ERC2: variants seen among roughly 807,000 people sequenced by gnomAD.
The protein encoded by ERC2 is ELKS/RAB6-interacting/CAST family member 2, also known as ERC protein 2.
In ERC2, 42 loss-of-function variants were observed where a neutral mutation model predicts 114.8. The ratio of observed to expected loss-of-function variants is 0.37; its 90% confidence interval spans 0.29 to 0.47. ERC2 has a LOEUF of 0.47. ERC2 is among the 20% of genes least tolerant of loss of function. ERC2 has a pLI of 0.99. For missense variants in ERC2, 939 were observed against 1,150.7 expected, an observed-to-expected ratio of 0.82 and a Z score of 2.66; for synonymous variants, 454 against 425.5, an observed-to-expected ratio of 1.07 and a Z score of -0.82.
intron 17 of ERC2, among the ~76,000 whole-genome samples, chr3:55,525,506 A>T (rs1219789333): frequency 6.6e-6 from 1 of 152,152 alleles, no homozygotes; most frequent in Non-Finnish European, 1.5e-5. Flanking sequence ...TTCCAGGTTG[A>T]GATGTGAGGG....
intron 3 of ERC2, among the ~76,000 whole-genome samples, chr3:56,290,363 T>C (rs2055002938): frequency 6.6e-6 from 1 of 152,224 alleles, no homozygotes; most frequent in Non-Finnish European, 1.5e-5. Context: ...GGAATACTGA[T>C]GGAATGTACT....
intron 8 of ERC2, among the ~76,000 whole-genome samples, chr3:56,017,606 C>T (rs2073394404): frequency 6.6e-6 from 1 of 152,100 alleles, no homozygotes; most frequent in Non-Finnish European, 1.5e-5. Context: ...CCTGGCTCAC[C>T]ACTCACTTTC....
chr3:56,443,272 A>C lies in ERC2; in HGVS notation c.-140-8125T>G, dbSNP rs116821466. 8.5e-3 allele frequency among the ~76,000 whole-genome samples: 1,291 copies of C among 152,340 alleles called. 20 individuals carry two copies. Among genetic ancestry groups the C allele is most frequent in the African/African-American group, 0.029 (1,207 of 41,578 alleles). ...TCAATTCCACTGAACTTATCAAATC[A>C]AACAGGAAATTCACAGACCATCAAA... is the stretch of plus-strand genomic sequence containing the variant. On this transcript the variant is annotated intron_variant, in intron 1 of 17. Transcript: ENST00000288221.
Position 56,464,916 on chromosome 3 carries a change from T to C in ERC2, c.-141+3332A>G, listed in dbSNP as rs570557734. 2.0e-5 allele frequency among the ~76,000 whole-genome samples: 3 copies of C among 151,108 alleles called. No homozygotes were observed. In the East Asian group the frequency reaches 5.8e-4, roughly 29 times the overall value. On this transcript the variant is annotated intron_variant, in intron 1 of 17. Transcript: ENST00000288221. ...AAAAAAAGGCTAGAGGGTGTCCTAGTAAAACAAGCAAATGCAGATTGTACA... is the reference window on the plus strand; with the variant it reads ...AAAAAAAGGCTAGAGGGTGTCCTAGCAAAACAAGCAAATGCAGATTGTACA...
At position 55,583,548 on chromosome 3, in the gene ERC2, C is replaced by CCTTT. The variant is rs1249374471; in HGVS notation, c.*40-72273_*40-72272insAAAG. ...CCCTTCCTTCCTTCCTTCCTTTCTTCCTTCCTTCCTTCCTTCCTTCCTTCC... is the reference window on the plus strand; with the variant it reads ...CCCTTCCTTCCTTCCTTCCTTTCTTCCTTTCTTCCTTCCTTCCTTCCTTCCTTCC... On this transcript the variant is annotated intron_variant, in intron 17 of 17. Coordinates refer to ENST00000288221, the MANE Select transcript of ERC2 (RefSeq NM_015576.3). Among the ~76,000 whole-genome samples the CCTTT allele has an allele frequency of 2.0e-3, 77 of 39,316 alleles. 1 individual carries two copies. The highest frequency in any genetic ancestry group is 0.015 in the Middle Eastern group (1 of 68). The allele number at this position is 39,316 out of a possible 152,430, so 25.8% of individuals were successfully genotyped here.
intron 12 of ERC2, among the ~76,000 whole-genome samples, chr3:55,967,626 A>G (rs2068837510): frequency 6.6e-6 from 1 of 152,228 alleles, no homozygotes; most frequent in Non-Finnish European, 1.5e-5. Flanking sequence ...ACCCATGAAG[A>G]AAGCAACATT....
rs2080627419 is a variant in ERC2, at chr3:56,138,088, C to T, written c.1473+1421G>A. On this transcript the variant is annotated intron_variant, in intron 6 of 17. Transcript: ENST00000288221. ...TTTTTTTTTTTTTTTGAGACGAAGT[C>T]TCACTCTGTCACCCAGGCTGGAGTG... Among the ~76,000 whole-genome samples, 3 of 108,902 alleles carry T rather than the reference C, an allele frequency of 2.8e-5. No individual in the cohort carries two copies. The South Asian group carries it at 9.4e-4, about 34-fold the overall frequency. The allele number at this position is 108,902 out of a possible 152,430, so 71.4% of individuals were successfully genotyped here. A position where few individuals can be genotyped will look rare whatever the true frequency, so the allele number is the denominator to read the frequency against.
At chr3:55,997,506 TTTATA>T (rs1195531055) in intron 10 of ERC2, among the ~76,000 whole-genome samples, 1 of 148,232 alleles carries the variant, frequency 6.7e-6, no homozygotes, top group East Asian at 1.9e-4. Context: ...AGTTATAATA[TTTATA>T]TTATATATTA....
At chr3:55,537,532 G>A (rs866758365) in intron 17 of ERC2, among the ~76,000 whole-genome samples, 1 of 152,124 alleles carries the variant, frequency 6.6e-6, no homozygotes, top group African/African-American at 2.4e-5. Flanking sequence ...AAAAATGATC[G>A]GTGTCTCTGC....
intron 2 of ERC2, among the ~76,000 whole-genome samples, chr3:56,313,663 A>G (rs960220843): frequency 4.6e-5 from 7 of 152,208 alleles, no homozygotes; most frequent in Non-Finnish European, 1.0e-4. Context: ...GCTTGGTTCC[A>G]TGTTACTTGG....
At chr3:56,240,856 T>C (rs904856247) in intron 3 of ERC2, among the ~76,000 whole-genome samples, 1 of 152,182 alleles carries the variant, frequency 6.6e-6, no homozygotes, top group African/African-American at 2.4e-5. Flanking sequence ...CAGGGGTACA[T>C]GTGCAGGTTG....
At chr3:56,125,451 A>G (rs76395922) in intron 6 of ERC2, among the ~76,000 whole-genome samples, 4,614 of 152,318 alleles carry the variant, frequency 0.03, 243 homozygotes, top group African/African-American at 0.11. Context: ...ATCTGTGCCT[A>G]GCAGCCCAAG....
intron 5 of ERC2, among the ~76,000 whole-genome samples, chr3:56,143,132 G>A (rs965935014): frequency 6.6e-6 from 1 of 152,146 alleles, no homozygotes; most frequent in African/African-American, 2.4e-5. Context: ...ATATGGTAAG[G>A]TTATTTTTAG....
At chr3:55,805,497 G>C (rs1265365805) in intron 14 of ERC2, among the ~76,000 whole-genome samples, 1 of 151,588 alleles carries the variant, frequency 6.6e-6, no homozygotes, top group Non-Finnish European at 1.5e-5. Context: ...TCCCAGCTCT[G>C]AACCTGGGGT....
chr3:56,466,071 G>A (rs928825097), intron 1 of ERC2, among the ~76,000 whole-genome samples: 13 of 152,202 alleles, frequency 8.5e-5, no homozygotes, highest in Non-Finnish European at 1.5e-4. Context: ...TAATTTGGGC[G>A]TAAGAATAGT....
chr3:55,747,526 G>T (rs143130464), intron 14 of ERC2, among the ~76,000 whole-genome samples: 3 of 152,320 alleles, frequency 2.0e-5, no homozygotes, highest in Non-Finnish European at 4.4e-5. Context: ...TTTATTCCAC[G>T]CCGTAAGGAA....
At chr3:56,426,778 GA>G (rs2061586409) in intron 2 of ERC2, among the ~76,000 whole-genome samples, 1 of 152,194 alleles carries the variant, frequency 6.6e-6, no homozygotes, top group Non-Finnish European at 1.5e-5. Flanking sequence ...GAGGGAGAGA[GA>G]TAAACGCTTG....
intron 13 of ERC2, among the ~76,000 whole-genome samples, chr3:55,941,755 G>T (rs1407815192): frequency 1.3e-5 from 2 of 152,098 alleles, no homozygotes; most frequent in Admixed American, 1.3e-4. Flanking sequence ...TTTCATGGAT[G>T]GAGAAAAATG....
At chr3:55,874,189 G>A (rs2062718410) in intron 14 of ERC2, among the ~76,000 whole-genome samples, 1 of 152,196 alleles carries the variant, frequency 6.6e-6, no homozygotes, top group African/African-American at 2.4e-5. Flanking sequence ...GGAGGCAGTT[G>A]ACTTGTACTT....
Sources: gnomAD v4.1 joint callset for allele counts (sites outside exome capture counted in the v4.1 genomes callset) on GRCh38, gnomAD v4.1.1 for gene constraint, MANE v1.5 for transcripts, NCBI Gene and HGNC (gene_info 2026-07-23, HGNC 2026-07-21) for gene names.